Variants in CEP63 observed in about 807,000 individuals in gnomAD.
The protein encoded by CEP63 is centrosomal protein 63.
Under a neutral mutation model 89.1 loss-of-function variants are expected in CEP63, and 84 were observed. That is an observed-to-expected ratio of 0.94 (90% CI 0.79 to 1.13). CEP63 has a LOEUF of 1.13. Among genes scored for constraint, CEP63 ranks in the 50% most tolerant of loss-of-function variants. The pLI is 0.00. For synonymous variants in CEP63, 267 were observed against 272.5 expected, an observed-to-expected ratio of 0.98 and a Z score of 0.20; for missense variants, 838 against 813.3, an observed-to-expected ratio of 1.03 and a Z score of -0.37.
chr3:134,549,196 G>T lies in CEP63; in HGVS notation c.1182+20G>T. On this transcript the variant is annotated intron_variant, in intron 10 of 14. Coordinates refer to ENST00000675561, the MANE Select transcript of CEP63 (RefSeq NM_001353108.3). ...AAGAAGGTAAAAATCTGCATACCTA[G>T]GATTGCAAAATTGTATGTGTTTATG... is the stretch of plus-strand genomic sequence containing the variant. The T allele has an allele frequency of 6.9e-7, 1 of 1,439,726 alleles. No homozygotes were observed. Among genetic ancestry groups the T allele is most frequent in the Non-Finnish European group, 9.8e-7 (1 of 1,021,374 alleles). 89.2% of individuals were successfully genotyped at this position (1,439,726 alleles called of 1,614,324 possible). A position where few individuals can be genotyped will look rare whatever the true frequency, so the allele number is the denominator to read the frequency against.
At chr3:134,684,371 C>T in the CEP63 span, among the ~76,000 whole-genome samples, 5 of 152,204 alleles carry the variant, frequency 3.3e-5, no homozygotes, top group South Asian at 1.0e-3. Context: ...TCAAATAATT[C>T]CACATGGGGA....
At position 134,550,052 on chromosome 3, in the gene CEP63, C is replaced by G; in HGVS notation, c.1183-11C>G. The G allele has an allele frequency of 6.2e-7, 1 of 1,602,152 alleles. No individual in the cohort carries two copies. Among genetic ancestry groups the G allele is most frequent in the Non-Finnish European group, 8.6e-7 (1 of 1,169,236 alleles). ...TTAACTTTTGGTGCTTTCTTTTCTG[C>G]TTCTTTATAGTTGAAAGAACAGATT... On this transcript the variant is annotated splice_polypyrimidine_tract_variant and intron_variant, in intron 10 of 14. Coordinates refer to ENST00000675561, the MANE Select transcript of CEP63 (RefSeq NM_001353108.3).
chr3:134,779,161 T>C, the CEP63 span, among the ~76,000 whole-genome samples: 1 of 152,184 alleles, frequency 6.6e-6, no homozygotes, highest in Non-Finnish European at 1.5e-5. Flanking sequence ...TTTTCTATGG[T>C]AAATATATGC....
the CEP63 span, among the ~76,000 whole-genome samples, chr3:134,751,112 A>G: frequency 6.6e-6 from 1 of 152,236 alleles, no homozygotes; most frequent in Admixed American, 6.5e-5. Context: ...GAATCATACA[A>G]TATGGACATT....
chr3:134,667,781 G>A, the CEP63 span, among the ~76,000 whole-genome samples: 3 of 152,110 alleles, frequency 2.0e-5, no homozygotes, highest in Admixed American at 6.5e-5. Flanking sequence ...TTCTCTTCTG[G>A]GTAGGTGACC....
chr3:134,686,675 G>A, the CEP63 span, among the ~76,000 whole-genome samples: 5 of 152,222 alleles, frequency 3.3e-5, no homozygotes, highest in Admixed American at 6.5e-5. Context: ...TCACAAAGAC[G>A]CAAGTAACTG....
chr3:134,780,098 T>C, the CEP63 span, among the ~76,000 whole-genome samples: 368 of 152,342 alleles, frequency 2.4e-3, 1 homozygote, highest in African/African-American at 8.5e-3. Flanking sequence ...TCTGACTTTA[T>C]TATGTTTACC....
At chr3:134,588,229 C>T (rs1484723867), downstream of CEP63, among the ~76,000 whole-genome samples, 1 of 151,936 alleles carries the variant, frequency 6.6e-6, no homozygotes, top group Non-Finnish European at 1.5e-5. Flanking sequence ...ATAGAGGTTG[C>T]AGTGAGCTGA....
chr3:134,604,130 G>A, the CEP63 span: 33 of 1,607,876 alleles, frequency 2.1e-5, no homozygotes, highest in Middle Eastern at 1.7e-4. Context: ...ATGGAGCAGC[G>A]CCCGTCGCTG....
the CEP63 span, among the ~76,000 whole-genome samples, chr3:134,751,545 C>T: frequency 6.6e-6 from 1 of 152,088 alleles, no homozygotes; most frequent in Non-Finnish European, 1.5e-5. Flanking sequence ...CTAGCTCAGG[C>T]AACTGGAGCC....
intron 10 of CEP63, 89 bp downstream of exon 10, chr3:134,549,265 A>AG (rs1483930712): frequency 1.2e-6 from 1 of 830,616 alleles, no homozygotes; most frequent in East Asian, 2.6e-5. Flanking sequence ...ATTTTTAATG[A>AG]GAAAAAAATG....
the CEP63 span, among the ~76,000 whole-genome samples, chr3:134,676,954 G>A: frequency 1.3e-5 from 2 of 152,126 alleles, no homozygotes; most frequent in Admixed American, 6.5e-5. Context: ...TAGTTCTCCC[G>A]GCCAGGTGCA....
rs974773433 is a variant in CEP63, at chr3:134,562,485, G to A, written c.*950G>A. ...CTCTGTGAACCCTCTTTCTGTAGTG[G>A]ATCTTTCCCATCAGCGTAAAACATC... On this transcript the variant is annotated 3_prime_UTR_variant, in exon 15 of 15. Transcript: ENST00000675561. The A allele has an allele frequency of 1.3e-5, 2 of 152,524 alleles. No individual in the cohort carries two copies. The highest frequency in any genetic ancestry group is 4.8e-5 in the African/African-American group (2 of 41,432). 9.4% of individuals were successfully genotyped at this position (152,524 alleles called of 1,614,324 possible). A position where few individuals can be genotyped will look rare whatever the true frequency, so the allele number is the denominator to read the frequency against.
Position 134,559,232 on chromosome 3 carries a change from T to A in CEP63, c.1756T>A (p.Ser586Thr). 2 of 1,614,154 alleles carry A rather than the reference T, an allele frequency of 1.2e-6. No individual in the cohort carries two copies. The highest frequency in any genetic ancestry group is 1.7e-6 in the Non-Finnish European group (2 of 1,180,016). ...TDLHSPRGQA[S>T]DSINPMSRVL... ...TCTTCATTCTCCAAGAGGACAAGCG[T>A]CGGATAGTATAAACCCCATGTCTAG... The change falls in exon 14 of 15, where the codon TCG (serine) becomes ACG (threonine). Residue 586 changes from serine (S) to threonine (T), a missense_variant. Ser to Thr is a moderately conservative substitution (Grantham distance 58, BLOSUM62 1). Coordinates refer to ENST00000675561, the MANE Select transcript of CEP63 (RefSeq NM_001353108.3).
the CEP63 span, chr3:134,647,358 A>C: frequency 8.3e-7 from 1 of 1,205,388 alleles, no homozygotes; most frequent in East Asian, 2.5e-5. Context: ...CTAGTCTTCA[A>C]ATGAGTGAAA....
chr3:134,522,185 G>C (rs1159332969), intron 3 of CEP63, among the ~76,000 whole-genome samples: 1 of 152,038 alleles, frequency 6.6e-6, no homozygotes, highest in East Asian at 1.9e-4. Flanking sequence ...CAATAAACAG[G>C]ATATATGTAA....
the CEP63 span, among the ~76,000 whole-genome samples, chr3:134,683,325 C>T: frequency 6.6e-6 from 1 of 152,152 alleles, no homozygotes; most frequent in East Asian, 1.9e-4. Context: ...TGCTAAGAGA[C>T]TATTCATAGA....
intron 3 of CEP63, among the ~76,000 whole-genome samples, chr3:134,519,448 A>G (rs1305110104): frequency 1.3e-5 from 2 of 152,138 alleles, no homozygotes; most frequent in Non-Finnish European, 1.5e-5. Flanking sequence ...TGAATTTGTT[A>G]TTGAAAAACC....
rs1414022980 is a variant in CEP63 at position 134,549,042 on chromosome 3, A to T, written c.1068-20A>T. 5.9e-6 allele frequency: 9 copies of T among 1,523,136 alleles called. No individual in the cohort carries two copies. The highest frequency in any genetic ancestry group is 1.4e-5 in the African/African-American group (1 of 73,072). 94.4% of individuals were successfully genotyped at this position (1,523,136 alleles called of 1,614,324 possible). A position where few individuals can be genotyped will look rare whatever the true frequency, so the allele number is the denominator to read the frequency against. On this transcript the variant is annotated intron_variant, in intron 9 of 14. Coordinates refer to ENST00000675561, the MANE Select transcript of CEP63 (RefSeq NM_001353108.3). The stretch of plus-strand genomic sequence containing the variant: ...TCAGGATTTTGGTTTTAAGTATGGG[A>T]TCTTATTTTTGTCATACAGTTTGGA...
Sources: gnomAD v4.1 joint callset for allele counts (sites outside exome capture counted in the v4.1 genomes callset) on GRCh38, gnomAD v4.1.1 for gene constraint, MANE v1.5 for transcripts, NCBI Gene and HGNC (gene_info 2026-07-23, HGNC 2026-07-21) for gene names.